The following DLGAP2 variants were observed in gnomAD, a reference collection of about 807,000 sequenced individuals.
The protein encoded by DLGAP2 is disks large-associated protein 2.
Under a neutral mutation model 100.3 loss-of-function variants are expected in DLGAP2, and 26 were observed. The ratio of observed to expected loss-of-function variants is 0.26; its 90% CI spans 0.19 to 0.36. The LOEUF (loss-of-function observed/expected upper bound fraction) is 0.36. Among genes scored for constraint, DLGAP2 ranks in the 10% least tolerant of loss-of-function variants. DLGAP2 has a pLI of 1.00. For missense variants in DLGAP2, 1,858 were observed against 1,453.2 expected (o/e 1.28, Z -4.53); for synonymous variants, 886 against 630.1 (o/e 1.41, Z -6.08).
At chr8:1,596,087 C>T (rs1162127148) in intron 6 of DLGAP2, among the ~76,000 whole-genome samples, 4 of 143,908 alleles carry the variant, frequency 2.8e-5, no homozygotes, top group East Asian at 2.3e-4. Context: ...GGGTTCTCAT[C>T]GTTCATCTCC....
chr8:782,379 A>G (rs781584609), intron 1 of DLGAP2, among the ~76,000 whole-genome samples: 28 of 152,266 alleles, frequency 1.8e-4, no homozygotes, highest in Non-Finnish European at 4.0e-4. Context: ...TCTGGAATTG[A>G]TGACATATTA....
chr8:809,847 T>C (rs900203088), intron 1 of DLGAP2, among the ~76,000 whole-genome samples: 15 of 152,208 alleles, frequency 9.9e-5, no homozygotes, highest in African/African-American at 3.6e-4. Flanking sequence ...GTTCATTCTC[T>C]AGGATTTGTC....
chr8:1,570,785 GATGGAGAGGAGAGAGGGTGA>G (rs1802626617), intron 6 of DLGAP2, among the ~76,000 whole-genome samples: 3 of 147,120 alleles, frequency 2.0e-5, no homozygotes, highest in African/African-American at 7.9e-5. Flanking sequence ...TGTCTGATGA[GATGGAGAGGAGAGAGGGTGA>G]ACTGTGGGGA....
chr8:1,464,065 A>G (rs1252934550), intron 3 of DLGAP2, among the ~76,000 whole-genome samples: 2 of 151,204 alleles, frequency 1.3e-5, no homozygotes, highest in African/African-American at 4.9e-5. Flanking sequence ...ATGTCGCAAC[A>G]GCCGCCTTCC....
rs749117315 is a variant in DLGAP2, at chr8:1,254,982, CTGTG to C, written c.74-3861_74-3858del. Among the ~76,000 whole-genome samples the C allele has an allele frequency of 1.2e-4, 15 of 127,228 alleles. No homozygotes were observed. The East Asian group carries it at 1.8e-3, about 15-fold the overall frequency. The allele number at this position is 127,228 out of a possible 152,430, so 83.5% of individuals were successfully genotyped here. The stretch of plus-strand genomic sequence containing the variant: ...TGTGTCCTCTCATCCTGTCCGGGTG[CTGTG>C]TGTGTGTCCTCTCATCCTGCTTGGG... On this transcript the variant is annotated intron_variant, in intron 2 of 14. Transcript: ENST00000637795.
intron 1 of DLGAP2, among the ~76,000 whole-genome samples, chr8:762,884 C>T (rs897917971): frequency 1.3e-5 from 2 of 152,092 alleles, no homozygotes; most frequent in African/African-American, 4.8e-5. Flanking sequence ...CACCATATTG[C>T]TCAGGCTGGT....
intron 1 of DLGAP2, among the ~76,000 whole-genome samples, chr8:809,641 G>C (rs533400254): frequency 6.6e-6 from 1 of 152,146 alleles, no homozygotes; most frequent in African/African-American, 2.4e-5. Flanking sequence ...CTACCAATAC[G>C]AGTCAACCTG....
At chr8:809,828 TC>T (rs1271917205) in intron 1 of DLGAP2, among the ~76,000 whole-genome samples, 4 of 152,202 alleles carry the variant, frequency 2.6e-5, no homozygotes, top group Non-Finnish European at 4.4e-5. Flanking sequence ...TGTTTCTTTG[TC>T]CCTCACTGTT....
intron 1 of DLGAP2, among the ~76,000 whole-genome samples, chr8:758,706 T>A (rs1820983044): frequency 6.6e-6 from 1 of 152,022 alleles, no homozygotes; most frequent in African/African-American, 2.4e-5. Context: ...GTACTACAGG[T>A]GTGCACCACC....
At chr8:1,670,563 T>A (rs1798664834) in intron 10 of DLGAP2, among the ~76,000 whole-genome samples, 1 of 152,140 alleles carries the variant, frequency 6.6e-6, no homozygotes, top group African/African-American at 2.4e-5. Flanking sequence ...GCCTGGCACA[T>A]AGGGAGTGCT....
At chr8:1,029,535 C>T (rs975978523) in intron 2 of DLGAP2, among the ~76,000 whole-genome samples, 13 of 151,062 alleles carry the variant, frequency 8.6e-5, no homozygotes, top group South Asian at 6.4e-4. Flanking sequence ...TCGGGTAGGA[C>T]GACCAACGGT....
intron 2 of DLGAP2, among the ~76,000 whole-genome samples, chr8:998,261 C>G (rs139624220): frequency 2.6e-5 from 4 of 152,338 alleles, no homozygotes; most frequent in South Asian, 2.1e-4. Flanking sequence ...TCATGTCATA[C>G]AACTCCTCAG....
At chr8:1,570,431 A>T (rs565448004) in intron 6 of DLGAP2, among the ~76,000 whole-genome samples, 2 of 152,370 alleles carry the variant, frequency 1.3e-5, no homozygotes, top group Admixed American at 1.3e-4. Flanking sequence ...TTTAACGTGT[A>T]GCAGGTGAAT....
At chr8:985,427 G>C (rs1360153868) in intron 2 of DLGAP2, among the ~76,000 whole-genome samples, 2 of 152,182 alleles carry the variant, frequency 1.3e-5, no homozygotes, top group African/African-American at 2.4e-5. Context: ...CCACCTCATG[G>C]TGTTGTCAGG....
chr8:1,490,046 CG>C (rs1024443230), intron 3 of DLGAP2, among the ~76,000 whole-genome samples: 12 of 151,194 alleles, frequency 7.9e-5, no homozygotes, highest in Admixed American at 7.9e-4. Context: ...CACCTGCCAC[CG>C]CACCCGGCTA....
chr8:1,379,635 C>G (rs765485992), intron 3 of DLGAP2: 1 of 152,372 alleles, frequency 6.6e-6, no homozygotes, highest in Middle Eastern at 3.4e-3. Flanking sequence ...GTTGGGAAAA[C>G]TCAGTCCAGG....
At chr8:851,609 C>T (rs1797183714) in intron 1 of DLGAP2, among the ~76,000 whole-genome samples, 1 of 152,198 alleles carries the variant, frequency 6.6e-6, no homozygotes, top group South Asian at 2.1e-4. Flanking sequence ...GTGGACTAGT[C>T]AGTTCAGCCT....
At chr8:805,274 A>G (rs1281262041) in intron 1 of DLGAP2, among the ~76,000 whole-genome samples, 1 of 152,200 alleles carries the variant, frequency 6.6e-6, no homozygotes, top group African/African-American at 2.4e-5. Context: ...CCATGACCAT[A>G]TATCCTTCCT....
In DLGAP2 at chr8:1,448,228, C is replaced by T. The variant is rs144126571; in HGVS notation, c.107-53138C>T. Among the ~76,000 whole-genome samples the T allele has an allele frequency of 8.5e-3, 1,290 of 152,050 alleles. 4 individuals are homozygous for T. The highest frequency in any genetic ancestry group is 0.013 in the Non-Finnish European group (895 of 67,982). ...TGCTTTCTTTTGTGGGCATTTAGTG[C>T]GGTAAATTTCCCTCTACACACTGCT... On this transcript the variant is annotated intron_variant, in intron 3 of 14. Coordinates refer to ENST00000637795, the MANE Select transcript of DLGAP2 (RefSeq NM_001346810.2).
Sources: allele counts gnomAD v4.1 joint callset (sites outside exome capture counted in the v4.1 genomes callset), GRCh38; gene constraint gnomAD v4.1.1; transcripts MANE v1.5; gene names NCBI Gene and HGNC (gene_info 2026-07-23, HGNC 2026-07-21).